DENND4A: variants seen among roughly 807,000 people sequenced by gnomAD.
DENND4A encodes DENN domain containing 4A, also known as C-myc promoter-binding protein.
DENND4A carries 70 observed loss-of-function variants against 199.3 expected under a neutral mutation model. The ratio of observed to expected loss-of-function variants is 0.35; its 90% CI spans 0.29 to 0.43. The LOEUF is 0.43. Among genes scored for constraint, DENND4A ranks in the 20% least tolerant of loss-of-function variants. The pLI is 1.00. For synonymous variants in DENND4A, 686 were observed against 766.9 expected (o/e 0.89, Z 1.74); for missense variants, 1,723 against 2,255.8 (o/e 0.76, Z 4.78).
chr15:65,746,930 T>C (rs2076416398), intron 4 of DENND4A, among the ~76,000 whole-genome samples: 1 of 147,088 alleles, frequency 6.8e-6, no homozygotes, highest in African/African-American at 2.5e-5. Flanking sequence ...ACCCTGTCTC[T>C]ACTAAAAAAA....
intron 1 of DENND4A, among the ~76,000 whole-genome samples, chr15:65,781,941 A>C (rs939678886): frequency 1.3e-5 from 2 of 152,216 alleles, no homozygotes; most frequent in African/African-American, 4.8e-5. Context: ...TTTCTTGAGA[A>C]AGTATTATTG....
intron 1 of DENND4A, among the ~76,000 whole-genome samples, chr15:65,782,137 A>G (rs2077451485): frequency 6.6e-6 from 1 of 152,158 alleles, no homozygotes; most frequent in Admixed American, 6.5e-5. Flanking sequence ...ATACTAAACA[A>G]TGTACTACAC....
intron 25 of DENND4A, 142 bp from the exon 26 acceptor site, chr15:65,670,330 G>A (rs2076178558): frequency 4.6e-6 from 3 of 653,118 alleles, no homozygotes; most frequent in East Asian, 3.1e-5. Flanking sequence ...TTACATCAGT[G>A]TATTATATAC....
At chr15:65,741,887 T>C (rs2076271119) in intron 4 of DENND4A, 103 bp from the exon 5 acceptor site, 2 of 774,780 alleles carry the variant, frequency 2.6e-6, no homozygotes, top group Non-Finnish European at 3.8e-6. Flanking sequence ...TAATATGTAG[T>C]AACAAATTTC....
At chr15:65,774,928 G>A (rs2077240507) in intron 1 of DENND4A, among the ~76,000 whole-genome samples, 1 of 144,078 alleles carries the variant, frequency 6.9e-6, no homozygotes, top group Non-Finnish European at 1.5e-5. Context: ...CTGGAATGCA[G>A]TGGCACAATT....
rs201258774 is a variant in DENND4A at position 65,690,740 on chromosome 15, G to T, written c.3854C>A (p.Pro1285Gln). The T allele has an allele frequency of 1.2e-4, 195 of 1,613,446 alleles. No homozygotes were observed. In the Admixed American group the frequency reaches 3.3e-3, roughly 27 times the overall value. The change falls in exon 23 of 33, where the codon CCA becomes CAA. Residue 1285 changes from proline (P) to glutamine (Q), a missense_variant. Transcript: ENST00000443035. ...ACDDKLNKKS[P>Q]PLVKACRRSS... ...TCTTCTGCATGCCTTGACCAATGGT[G>T]GACTTTTCTTATTTAATTTATCATC... is the stretch of plus-strand genomic sequence containing the variant.
chr15:65,704,535 G>A (rs900616038), intron 15 of DENND4A, among the ~76,000 whole-genome samples: 2 of 152,034 alleles, frequency 1.3e-5, no homozygotes, highest in South Asian at 4.1e-4. Flanking sequence ...ACCACGCCCA[G>A]CTATTTTTAA....
chr15:65,714,346 G>A (rs1028340066), intron 14 of DENND4A, among the ~76,000 whole-genome samples: 3 of 151,664 alleles, frequency 2.0e-5, no homozygotes, highest in African/African-American at 7.3e-5. Flanking sequence ...CTGGGAGGCG[G>A]AGCTTGCAGT....
At chr15:65,665,106 C>A in intron 30 of DENND4A, 3 of 463,180 alleles carry the variant, frequency 6.5e-6, no homozygotes, top group East Asian at 6.6e-5. Flanking sequence ...TACACAGCAC[C>A]CCTCAAAAAA....
chr15:65,748,447 A>G (rs1367628517), intron 4 of DENND4A, among the ~76,000 whole-genome samples: 2 of 151,894 alleles, frequency 1.3e-5, no homozygotes, highest in Non-Finnish European at 2.9e-5. Flanking sequence ...ATAAGACCCA[A>G]TATCTACAAA....
intron 10 of DENND4A, 30 bp from the exon 11 acceptor site, chr15:65,729,277 T>C (rs1334091569): frequency 1.9e-6 from 3 of 1,554,116 alleles, no homozygotes; most frequent in South Asian, 1.2e-5. Context: ...GGAGAGAATT[T>C]AGCTTTTTAA....
intron 21 of DENND4A, 91 bp from the exon 22 acceptor site, chr15:65,696,588 ACTTG>A: frequency 3.3e-6 from 3 of 912,116 alleles, no homozygotes; most frequent in Non-Finnish European, 4.8e-6. Flanking sequence ...ACATATTTTT[ACTTG>A]AAAATAGGTG....
At chr15:65,749,902 T>A (rs2076515296) in intron 4 of DENND4A, among the ~76,000 whole-genome samples, 1 of 152,122 alleles carries the variant, frequency 6.6e-6, no homozygotes, top group South Asian at 2.1e-4. Flanking sequence ...TCAGTTCCAC[T>A]TACAATTACT....
chr15:65,670,138 A>G lies in DENND4A; in HGVS notation c.4515T>C (p.His1505=), dbSNP rs1279963443. 6.3e-7 allele frequency: 1 copy of G among 1,596,928 alleles called. No individual in the cohort carries two copies. Among genetic ancestry groups the G allele is most frequent in the East Asian group, 2.2e-5 (1 of 44,652 alleles). Residue 1505 remains histidine, a synonymous_variant, in exon 26 of 33, where the codon CAT becomes CAC. Coordinates refer to ENST00000443035, the MANE Select transcript of DENND4A (RefSeq NM_001320835.1). The part of the protein sequence containing the change: ...SRCRTCDCLV[H]DEEIMAGWTA... Reference sequence around the variant, plus strand: ...TCCAGCCAGCCATGATTTCCTCATCATGGACAAGACAATCACAAGTTCTAC... The same window carrying G: ...TCCAGCCAGCCATGATTTCCTCATCGTGGACAAGACAATCACAAGTTCTAC...
rs1278759807 is a variant in DENND4A at position 65,690,545 on chromosome 15, A to T, written c.4049T>A (p.Phe1350Tyr). 2 of 1,613,632 alleles carry T rather than the reference A, an allele frequency of 1.2e-6. No individual in the cohort carries two copies. The highest frequency in any genetic ancestry group is 8.5e-7 in the Non-Finnish European group (1 of 1,179,700). ...QDTLTHSSPS[F>Y]NLDTLLVPKL... The stretch of plus-strand genomic sequence containing the variant: ...AGGTACTAGTAGTGTATCTAAGTTA[A>T]ATGAAGGTGATGAGTGGGTTAATGT... Residue 1350 changes from phenylalanine (F) to tyrosine (Y), a missense_variant, in exon 23 of 33, where the codon TTT (phenylalanine) becomes TAT (tyrosine). Transcript: ENST00000443035.
intron 4 of DENND4A, among the ~76,000 whole-genome samples, chr15:65,748,192 A>G (rs966851028): frequency 5.9e-5 from 9 of 152,032 alleles, no homozygotes; most frequent in African/African-American, 2.2e-4. Context: ...CAAAGTGTTA[A>G]TTTACATAAT....
At chr15:65,714,412 C>CA (rs60132099) in intron 14 of DENND4A, among the ~76,000 whole-genome samples, 42 of 134,488 alleles carry the variant, frequency 3.1e-4, no homozygotes, top group Middle Eastern at 4.0e-3. Context: ...GACTCCGTCT[C>CA]AAAAAAAAAA....
intron 1 of DENND4A, among the ~76,000 whole-genome samples, chr15:65,782,737 CA>C (rs2077464920): frequency 6.6e-6 from 1 of 152,088 alleles, no homozygotes; most frequent in South Asian, 2.1e-4. Context: ...CTAAAACATA[CA>C]AAGTTACCAC....
chr15:65,703,422 A>G (rs935203954), intron 15 of DENND4A, among the ~76,000 whole-genome samples: 1 of 152,256 alleles, frequency 6.6e-6, no homozygotes, highest in African/African-American at 2.4e-5. Context: ...TTGGATTAAC[A>G]TATTTACTGT....
Sources: gnomAD v4.1 joint callset for allele counts (sites outside exome capture counted in the v4.1 genomes callset) on GRCh38, gnomAD v4.1.1 for gene constraint, MANE v1.5 for transcripts, NCBI Gene and HGNC (gene_info 2026-07-23, HGNC 2026-07-21) for gene names.